The following MN1 variants were observed in gnomAD, a reference collection of about 807,000 sequenced individuals.
The protein encoded by MN1 is MN1 proto-oncogene, transcriptional regulator.
Under a neutral mutation model 86.9 loss-of-function variants are expected in MN1, and 19 were observed. The observed-to-expected ratio is 0.22, with a 90% CI of 0.15 to 0.32. MN1 has a LOEUF of 0.32. Among genes scored for constraint, MN1 ranks in the 10% least tolerant of loss-of-function variants. The pLI is 1.00. For missense variants in MN1, 1,841 were observed against 1,862.0 expected (o/e 0.99, Z 0.21); for synonymous variants, 928 against 849.6 (o/e 1.09, Z -1.60).
At chr22:27,763,661 G>T (rs147344031) in intron 1 of MN1, among the ~76,000 whole-genome samples, 1 of 152,204 alleles carries the variant, frequency 6.6e-6, no homozygotes, top group East Asian at 1.9e-4. Context: ...GAGTCCTCGT[G>T]AGGCCACTAA....
intron 1 of MN1, among the ~76,000 whole-genome samples, chr22:27,776,801 TG>T (rs1932984551): frequency 6.6e-6 from 1 of 152,120 alleles, no homozygotes; most frequent in African/African-American, 2.4e-5. Context: ...CCTGGTCATC[TG>T]GGGTTAAGAA....
chr22:27,793,399 C>T (rs45585632), intron 1 of MN1, among the ~76,000 whole-genome samples: 4 of 148,052 alleles, frequency 2.7e-5, no homozygotes, highest in African/African-American at 8.0e-5. Context: ...CAAAGATAGG[C>T]GGATGATTTT....
At chr22:27,772,051 G>A (rs1210422934) in intron 1 of MN1, among the ~76,000 whole-genome samples, 3 of 152,214 alleles carry the variant, frequency 2.0e-5, no homozygotes, top group Non-Finnish European at 4.4e-5. Context: ...AGGCTTCTCG[G>A]TTATAAAATA....
intron 1 of MN1, among the ~76,000 whole-genome samples, chr22:27,792,687 A>G (rs1933230082): frequency 6.6e-6 from 1 of 152,144 alleles, no homozygotes; most frequent in Non-Finnish European, 1.5e-5. Context: ...ATCTGTTTAC[A>G]TTATCCCTTA....
At position 27,792,342 on chromosome 22, in the gene MN1, AT is replaced by A. The variant is rs1568980725; in HGVS notation, c.3781+4420del. On this transcript the variant is annotated intron_variant, in intron 1 of 1. Coordinates refer to ENST00000302326, the MANE Select transcript of MN1 (RefSeq NM_002430.3). ...CATATATATATATATATATATATAT[AT>A]ATATATATGAATATATAAATATATT... 2.0e-3 allele frequency among the ~76,000 whole-genome samples: 276 copies of A among 139,744 alleles called. 1 individual carries two copies. The highest frequency in any genetic ancestry group is 7.6e-3 in the Middle Eastern group (2 of 264). 91.7% of individuals were successfully genotyped at this position (139,744 alleles called of 152,430 possible).
chr22:27,751,100 T>C lies in MN1; in HGVS notation c.3782-4A>G, dbSNP rs1339520540. ...TTGTTTGCAGGGAGGTCGTGGGCTG[T>C]GGAGAGAGAAGGAAGAGAGGACATT... is the stretch of plus-strand genomic sequence containing the variant. On this transcript the variant is annotated splice_region_variant and splice_polypyrimidine_tract_variant and intron_variant, in intron 1 of 1. Transcript: ENST00000302326. The C allele has an allele frequency of 6.4e-7, 1 of 1,558,718 alleles. No homozygotes were observed. The highest frequency in any genetic ancestry group is 8.7e-7 in the Non-Finnish European group (1 of 1,148,430).
intron 1 of MN1, among the ~76,000 whole-genome samples, chr22:27,785,755 C>T (rs1032807170): frequency 3.3e-5 from 5 of 150,422 alleles, no homozygotes; most frequent in Non-Finnish European, 7.4e-5. Context: ...TGCCCCCCCC[C>T]CATGGCCCCT....
In MN1 at chr22:27,800,329, G is replaced by C; in HGVS notation, c.215C>G (p.Ala72Gly). The change falls in exon 1 of 2, where the codon GCG (alanine) becomes GGG (glycine). Residue 72 changes from alanine (A) to glycine (G), a missense_variant. Physicochemically the swap from Ala to Gly is moderately conservative, Grantham distance 60. Coordinates refer to ENST00000302326, the MANE Select transcript of MN1 (RefSeq NM_002430.3). ...TGCGTGCAACTCCGAGTGGCCGCGC[G>C]CGTGGAAGCCGTAGGGCTCCATGTT... ...GMNMEPYGFH[A>G]RGHSELHAGG... is the part of the protein sequence containing the mutation. 6.3e-7 allele frequency: 1 copy of C among 1,584,628 alleles called. No individual in the cohort carries two copies. Among genetic ancestry groups the C allele is most frequent in the Non-Finnish European group, 8.6e-7 (1 of 1,164,156 alleles).
At position 27,800,288 on chromosome 22, in the gene MN1, GCGC is replaced by G. The variant is rs912694156; in HGVS notation, c.253_255del (p.Ala85del). On this transcript the variant is annotated inframe_deletion, in exon 1 of 2. Coordinates refer to ENST00000302326, the MANE Select transcript of MN1 (RefSeq NM_002430.3). ...CCGCCAAAGAAGCCGTGCACAGGCT[GCGC>G]TTGCAGCCCCCCTGCGTGCAACTCC... is the stretch of plus-strand genomic sequence containing the variant. 13 of 1,577,552 alleles carry G rather than the reference GCGC, an allele frequency of 8.2e-6. No individual in the cohort carries two copies.
At chr22:27,754,665 G>A (rs746914821) in intron 1 of MN1, among the ~76,000 whole-genome samples, 13 of 152,224 alleles carry the variant, frequency 8.5e-5, no homozygotes, top group Non-Finnish European at 1.9e-4. Flanking sequence ...GGGCTGCCGA[G>A]TCGCTGCCGA....
At chr22:27,775,037 T>C (rs959236229) in intron 1 of MN1, among the ~76,000 whole-genome samples, 10 of 152,358 alleles carry the variant, frequency 6.6e-5, no homozygotes, top group South Asian at 2.1e-4. Flanking sequence ...TGATGTCTCA[T>C]GCTGAGGAGC....
Position 27,799,542 on chromosome 22 carries a change from C to G in MN1, c.1002G>C (p.Arg334Ser). ...GCTGGGGAGGCTGCATTAACGGGTG[C>G]CTGGAGCCCACTGAGGGCTCCAGAC... is the stretch of plus-strand genomic sequence containing the variant. ...PVGLEPSVGS[R>S]HPLMQPPQQA... Residue 334 changes from arginine to serine, a missense_variant, in exon 1 of 2, where the codon AGG becomes AGC. Physicochemically the swap from Arg to Ser is moderately radical, Grantham distance 110. Coordinates refer to ENST00000302326, the MANE Select transcript of MN1 (RefSeq NM_002430.3). 6.9e-7 allele frequency: 1 copy of G among 1,458,584 alleles called. No homozygotes were observed. The highest frequency in any genetic ancestry group is 9.1e-7 in the Non-Finnish European group (1 of 1,103,788). 90.4% of individuals were successfully genotyped at this position (1,458,584 alleles called of 1,614,324 possible).
At position 27,798,282 on chromosome 22, in the gene MN1, C is replaced by T; in HGVS notation, c.2262G>A (p.Gln754=). The change falls in exon 1 of 2, where the codon CAG becomes CAA. Residue 754 remains glutamine (Q), a synonymous_variant. Transcript: ENST00000302326. ...PGFPFGAAGR[Q]STPHSGPGVN... is the part of the protein sequence containing the mutation. ...CGCCTGGACCGCTGTGCGGCGTGGA[C>T]TGCCGGCCGGCTGCACCAAACGGAA... 6.5e-7 allele frequency: 1 copy of T among 1,526,874 alleles called. No homozygotes were observed. The highest frequency in any genetic ancestry group is 8.7e-7 in the Non-Finnish European group (1 of 1,147,400). The allele number at this position is 1,526,874 out of a possible 1,614,324, so 94.6% of individuals were successfully genotyped here.
Position 27,798,623 on chromosome 22 carries a change from C to A in MN1, c.1921G>T (p.Asp641Tyr). 1 of 1,561,846 alleles carries A rather than the reference C, an allele frequency of 6.4e-7. No individual in the cohort carries two copies. The highest frequency in any genetic ancestry group is 8.6e-7 in the Non-Finnish European group (1 of 1,162,516). ...CCGCCCATCCTACGGGGCAGCAGGT[C>A]TCCGGGCGGCGGATGCGGACCTGAG... ...WFSGPHPPPG[D>Y]LLPRRMGGSG... The change falls in exon 1 of 2, where the codon GAC becomes TAC. Residue 641 changes from aspartate (D) to tyrosine (Y), a missense_variant. By Grantham distance (160) the Asp-to-Tyr change is radical (BLOSUM62 -3). Transcript: ENST00000302326.
rs1252295774 is a variant in MN1 at position 27,797,442 on chromosome 22, C to T, written c.3102G>A (p.Ser1034=). The change falls in exon 1 of 2, where the codon TCG becomes TCA. Residue 1034 remains serine (S), a synonymous_variant. Coordinates refer to ENST00000302326, the MANE Select transcript of MN1 (RefSeq NM_002430.3). ...LIGSLDGGAK[S]DSSSPNVGEF... ...CACCCACGTTTGGCGAACTACTGTC[C>T]GACTTGGCCCCGCCGTCCAGGGACC... 35 of 1,606,630 alleles carry T rather than the reference C, an allele frequency of 2.2e-5. No individual in the cohort carries two copies. The highest frequency in any genetic ancestry group is 4.5e-5 in the East Asian group (2 of 44,810).
intron 1 of MN1, among the ~76,000 whole-genome samples, chr22:27,795,446 G>C (rs1329118996): frequency 1.3e-5 from 2 of 152,036 alleles, no homozygotes; most frequent in East Asian, 3.9e-4. Flanking sequence ...GACATGGCAG[G>C]ATGTGGGGAG....
At chr22:27,781,256 C>T (rs1169797255) in intron 1 of MN1, among the ~76,000 whole-genome samples, 1 of 152,172 alleles carries the variant, frequency 6.6e-6, no homozygotes, top group Non-Finnish European at 1.5e-5. Flanking sequence ...AACCTAACCT[C>T]AATCACTCAC....
chr22:27,767,869 T>C (rs1932882137), intron 1 of MN1, among the ~76,000 whole-genome samples: 1 of 152,122 alleles, frequency 6.6e-6, no homozygotes, highest in African/African-American at 2.4e-5. Context: ...GAGAACCACA[T>C]GCCAGGCACT....
intron 1 of MN1, among the ~76,000 whole-genome samples, chr22:27,759,314 T>C (rs1432106755): frequency 6.6e-6 from 1 of 151,920 alleles, no homozygotes; most frequent in East Asian, 1.9e-4. Flanking sequence ...CGTCCCCTTC[T>C]ATAGAAAGAT....
Sources: allele counts gnomAD v4.1 joint callset (sites outside exome capture counted in the v4.1 genomes callset), GRCh38; gene constraint gnomAD v4.1.1; transcripts MANE v1.5; gene names NCBI Gene and HGNC (gene_info 2026-07-23, HGNC 2026-07-21).